The following THSD7B variants were observed in gnomAD, a reference collection of about 807,000 sequenced individuals.
The protein encoded by THSD7B is thrombospondin type 1 domain containing 7B.
Under a neutral mutation model 213.6 loss-of-function variants are expected in THSD7B, and 138 were observed. That is an observed-to-expected ratio of 0.65 (90% CI 0.56 to 0.74). The LOEUF is 0.74. Among genes scored for constraint, THSD7B ranks in the 30% least tolerant of loss-of-function variants. The probability of loss-of-function intolerance (pLI) is 0.00; values close to 1 mark genes in which losing one functional copy is unlikely to be tolerated. For synonymous variants in THSD7B, 742 were observed against 687.0 expected, an observed-to-expected ratio of 1.08 and a Z score of -1.25; for missense variants, 1,931 against 1,991.5, an observed-to-expected ratio of 0.97 and a Z score of 0.58.
At chr2:137,643,402 C>T (rs1682973571) in intron 21 of THSD7B, among the ~76,000 whole-genome samples, 1 of 152,164 alleles carries the variant, frequency 6.6e-6, no homozygotes, top group Admixed American at 6.5e-5. Flanking sequence ...TTTAGTGTTC[C>T]TGTCAGGATG....
intron 2 of THSD7B, among the ~76,000 whole-genome samples, chr2:136,916,131 T>G (rs1684344595): frequency 1.3e-5 from 2 of 152,158 alleles, no homozygotes; most frequent in African/African-American, 2.4e-5. Flanking sequence ...TTGTTTCTTG[T>G]TTTTATTTTT....
At chr2:137,400,502 C>T (rs543931239) in intron 12 of THSD7B, among the ~76,000 whole-genome samples, 1 of 152,148 alleles carries the variant, frequency 6.6e-6, no homozygotes, top group African/African-American at 2.4e-5. Context: ...CTATAAATAG[C>T]TTTAGTGTGG....
intron 15 of THSD7B, among the ~76,000 whole-genome samples, chr2:137,524,383 T>G (rs141275564): frequency 1.9e-3 from 282 of 152,194 alleles, no homozygotes; most frequent in African/African-American, 6.5e-3. Context: ...CCTCTGCAGG[T>G]TAGAGCTTAC....
At chr2:137,668,298 AGTTCTTAAATTTT>A (rs947918028) in intron 27 of THSD7B, among the ~76,000 whole-genome samples, 7 of 152,144 alleles carry the variant, frequency 4.6e-5, no homozygotes, top group Non-Finnish European at 7.4e-5. Flanking sequence ...AGATTATTTT[AGTTCTTAAATTTT>A]GTTCTTAAAT....
At chr2:136,869,063 T>C (rs1388414553) in intron 1 of THSD7B, among the ~76,000 whole-genome samples, 1 of 152,212 alleles carries the variant, frequency 6.6e-6, no homozygotes, top group African/African-American at 2.4e-5. Context: ...ATATTATTTC[T>C]ATTAAATGAT....
chr2:137,136,513 G>C (rs1435424844), intron 5 of THSD7B, among the ~76,000 whole-genome samples: 1 of 152,166 alleles, frequency 6.6e-6, no homozygotes, highest in Non-Finnish European at 1.5e-5. Flanking sequence ...AGTTCTGATT[G>C]GTTGATGTAG....
At chr2:137,132,331 G>A (rs981407592) in intron 5 of THSD7B, among the ~76,000 whole-genome samples, 1 of 150,516 alleles carries the variant, frequency 6.6e-6, no homozygotes, top group Non-Finnish European at 1.5e-5. Flanking sequence ...TGCAAACAGG[G>A]ACAATTTGAC....
At chr2:137,535,873 G>A (rs774774001) in intron 15 of THSD7B, among the ~76,000 whole-genome samples, 46 of 151,496 alleles carry the variant, frequency 3.0e-4, no homozygotes, top group South Asian at 8.3e-4. Flanking sequence ...ATTATCAGTG[G>A]GGGGAACAGA....
chr2:136,937,415 G>A (rs1684754633), intron 2 of THSD7B, among the ~76,000 whole-genome samples: 1 of 151,850 alleles, frequency 6.6e-6, no homozygotes, highest in South Asian at 2.1e-4. Context: ...CTGACATCTC[G>A]AGGTGAACTG....
intron 5 of THSD7B, among the ~76,000 whole-genome samples, chr2:137,130,144 C>T (rs531459301): frequency 6.6e-6 from 1 of 152,264 alleles, no homozygotes; most frequent in South Asian, 2.1e-4. Flanking sequence ...ATAGCACTGA[C>T]AGGTGGGTGC....
intron 7 of THSD7B, among the ~76,000 whole-genome samples, chr2:137,195,100 C>A (rs1378922713): frequency 6.6e-6 from 1 of 151,868 alleles, no homozygotes; most frequent in Non-Finnish European, 1.5e-5. Flanking sequence ...AATAAGGGAC[C>A]CTGTTCATAG....
At chr2:137,134,766 C>T (rs1387952722) in intron 5 of THSD7B, among the ~76,000 whole-genome samples, 1 of 152,208 alleles carries the variant, frequency 6.6e-6, no homozygotes, top group Non-Finnish European at 1.5e-5. Context: ...TGAAAAGCTA[C>T]ACAATCCCTT....
At chr2:137,603,010 TG>T (rs1443671234) in intron 17 of THSD7B, among the ~76,000 whole-genome samples, 1 of 152,206 alleles carries the variant, frequency 6.6e-6, no homozygotes, top group Non-Finnish European at 1.5e-5. Flanking sequence ...ATTTTGTTTT[TG>T]GTGGTGCTTG....
At chr2:137,140,341 T>G (rs150690898) in intron 5 of THSD7B, among the ~76,000 whole-genome samples, 2 of 152,306 alleles carry the variant, frequency 1.3e-5, no homozygotes, top group East Asian at 3.9e-4. Context: ...CATGTTTTTC[T>G]TATAACAAAC....
chr2:137,224,779 C>T (rs1681458210), intron 7 of THSD7B, among the ~76,000 whole-genome samples: 3 of 152,100 alleles, frequency 2.0e-5, no homozygotes, highest in African/African-American at 2.4e-5. Flanking sequence ...TCACGCCATT[C>T]TCCTGCTTAG....
At chr2:137,160,533 T>A (rs1032153552) in intron 6 of THSD7B, among the ~76,000 whole-genome samples, 165 bp downstream of exon 6, 2 of 152,202 alleles carry the variant, frequency 1.3e-5, no homozygotes, top group Non-Finnish European at 2.9e-5. Flanking sequence ...ACTGGGACAT[T>A]TCTGTGGAGT....
intron 7 of THSD7B, among the ~76,000 whole-genome samples, chr2:137,187,088 T>C (rs1558951125): frequency 2.0e-5 from 3 of 152,180 alleles, no homozygotes; most frequent in South Asian, 4.1e-4. Flanking sequence ...AGTATAGATA[T>C]GCTTTCCTAG....
At chr2:137,000,837 T>G (rs2104824868) in intron 2 of THSD7B, among the ~76,000 whole-genome samples, 1 of 152,202 alleles carries the variant, frequency 6.6e-6, no homozygotes, top group East Asian at 1.9e-4. Flanking sequence ...TTTTTATTTT[T>G]AGTAACTAGA....
rs189409907 is a variant in THSD7B, at chr2:137,563,592, C to T, written c.3272+238C>T. On this transcript the variant is annotated intron_variant, in intron 16 of 27. Coordinates refer to ENST00000409968, the MANE Select transcript of THSD7B (RefSeq NM_001316349.2). ...GCGTATCCTGCAAATGACATTGGTG[C>T]GAGAACCACCTGCAATGGAGCAGGC... 3.7e-3 allele frequency among the ~76,000 whole-genome samples: 563 copies of T among 152,214 alleles called. 2 individuals are homozygous for T. Among genetic ancestry groups the T allele is most frequent in the African/African-American group, 0.013 (535 of 41,512 alleles).
Sources: allele counts gnomAD v4.1 joint callset (sites outside exome capture counted in the v4.1 genomes callset), GRCh38; gene constraint gnomAD v4.1.1; transcripts MANE v1.5; gene names NCBI Gene and HGNC (gene_info 2026-07-23, HGNC 2026-07-21).